COTL1: variants seen among roughly 807,000 people sequenced by gnomAD.
The protein encoded by COTL1 is coactosin like F-actin binding protein 1.
In COTL1, 15 loss-of-function variants were observed where a neutral mutation model predicts 16.5. The observed-to-expected ratio is 0.91, with a 90% CI of 0.61 to 1.40. The LOEUF is 1.40. Among genes scored for constraint, COTL1 ranks in the 40% most tolerant of loss-of-function variants. The probability of loss-of-function intolerance (pLI) is 0.00; values close to 1 mark genes in which losing one functional copy is unlikely to be tolerated. For synonymous variants in COTL1, 112 were observed against 85.3 expected, an observed-to-expected ratio of 1.31 and a Z score of -1.73; for missense variants, 220 against 201.5, an observed-to-expected ratio of 1.09 and a Z score of -0.56.
intron 3 of COTL1, among the ~76,000 whole-genome samples, chr16:84,577,737 G>C (rs367849309): frequency 6.6e-6 from 1 of 152,144 alleles, no homozygotes; most frequent in Admixed American, 6.5e-5. Context: ...GCTGTATTTC[G>C]GGTGGACACA....
rs1165221222 is a variant in COTL1 at position 84,566,325 on chromosome 16, T to C, written c.*520A>G. On this transcript the variant is annotated 3_prime_UTR_variant, in exon 4 of 4. Transcript: ENST00000262428. ...AGATACCAGGAGGTCTGGGCCTTAG[T>C]AGGGAATGGACGTGTGTGCTTATGA... 1 of 152,464 alleles carries C rather than the reference T, an allele frequency of 6.6e-6. No individual in the cohort carries two copies. Among genetic ancestry groups the C allele is most frequent in the African/African-American group, 2.4e-5 (1 of 41,348 alleles). The allele number at this position is 152,464 out of a possible 1,614,324, so 9.4% of individuals were successfully genotyped here.
intron 2 of COTL1, among the ~76,000 whole-genome samples, chr16:84,609,024 C>T (rs1905267413): frequency 6.6e-6 from 1 of 152,196 alleles, no homozygotes; most frequent in Non-Finnish European, 1.5e-5. Context: ...GCCCAAAGCC[C>T]TGTCACAGAT....
intron 3 of COTL1, among the ~76,000 whole-genome samples, chr16:84,580,593 C>A (rs1403145656): frequency 6.6e-6 from 1 of 152,194 alleles, no homozygotes; most frequent in Non-Finnish European, 1.5e-5. Flanking sequence ...GGGCTCCTCA[C>A]TGCCCTCCCA....
At chr16:84,602,517 A>G (rs1023336941) in intron 2 of COTL1, among the ~76,000 whole-genome samples, 2 of 152,126 alleles carry the variant, frequency 1.3e-5, no homozygotes, top group Admixed American at 1.3e-4. Flanking sequence ...ATGGATATGG[A>G]CAGACATAAC....
At chr16:84,604,728 G>A (rs1905177226) in intron 2 of COTL1, among the ~76,000 whole-genome samples, 3 of 152,310 alleles carry the variant, frequency 2.0e-5, no homozygotes, top group South Asian at 4.1e-4. Flanking sequence ...GGCTGTGGCT[G>A]TAGGGGTCAC....
At chr16:84,603,046 G>A (rs1318684626) in intron 2 of COTL1, among the ~76,000 whole-genome samples, 1 of 152,148 alleles carries the variant, frequency 6.6e-6, no homozygotes, top group Non-Finnish European at 1.5e-5. Flanking sequence ...CAGGGTTCAG[G>A]TCCTGGCTCT....
rs761557883 is a variant in COTL1 at position 84,590,284 on chromosome 16, G to C, written c.161-22C>G. The C allele has an allele frequency of 2.9e-5, 46 of 1,611,314 alleles. No homozygotes were observed. Among genetic ancestry groups the C allele is most frequent in the Non-Finnish European group, 3.6e-5 (42 of 1,177,892 alleles). On this transcript the variant is annotated intron_variant, in intron 2 of 3. Coordinates refer to ENST00000262428, the MANE Select transcript of COTL1 (RefSeq NM_021149.5). The surrounding 1 kb of genome is among the most constrained non-coding windows in gnomAD (Gnocchi z 5.5). ...TCATCTGTGGCCAAAAGCGAAAAGA[G>C]AACATGGTGCTGCGTTAAAACACCC...
intron 3 of COTL1, among the ~76,000 whole-genome samples, chr16:84,582,526 T>C (rs1346378973): frequency 6.6e-6 from 1 of 152,248 alleles, no homozygotes; most frequent in Non-Finnish European, 1.5e-5. Flanking sequence ...AAAGCAGCCA[T>C]GGCTTCTGCC....
chr16:84,617,891 C>T lies in COTL1; in HGVS notation c.24G>A (p.Glu8=), dbSNP rs1186236011. 3 of 1,566,974 alleles carry T rather than the reference C, an allele frequency of 1.9e-6. No individual in the cohort carries two copies. The highest frequency in any genetic ancestry group is 2.6e-6 in the Non-Finnish European group (3 of 1,156,902). Residue 8 remains glutamate (E), a synonymous_variant, in exon 1 of 4, where the codon GAG becomes GAA. Transcript: ENST00000262428. MATKIDK[E]ACRAAYNLVR... ...CCAGGTTGTACGCCGCCCGGCAAGC[C>T]TCTTTGTCGATCTTGGTGGCCATCG...
chr16:84,601,227 T>G (rs1448239767), intron 2 of COTL1, among the ~76,000 whole-genome samples: 1 of 152,212 alleles, frequency 6.6e-6, no homozygotes, highest in Admixed American at 6.5e-5. Context: ...AAACACTTAC[T>G]GACAATCTGT....
intron 3 of COTL1, among the ~76,000 whole-genome samples, chr16:84,585,731 A>C (rs1312611082): frequency 1.3e-5 from 2 of 152,218 alleles, no homozygotes; most frequent in African/African-American, 2.4e-5. Context: ...GCATTATACC[A>C]GCAGAATGGA....
At chr16:84,575,893 A>G (rs1352425860) in intron 3 of COTL1, 3 of 152,234 alleles carry the variant, frequency 2.0e-5, no homozygotes, top group African/African-American at 4.8e-5. Flanking sequence ...GGGCTTGCAC[A>G]CTTGATGAGA....
chr16:84,593,649 C>T (rs952597252), intron 2 of COTL1, among the ~76,000 whole-genome samples: 2 of 152,032 alleles, frequency 1.3e-5, no homozygotes, highest in Non-Finnish European at 2.9e-5. Context: ...GTAGCTGGGA[C>T]TACAGGCGCC....
At chr16:84,593,789 G>A (rs1281901047) in intron 2 of COTL1, among the ~76,000 whole-genome samples, 1 of 152,078 alleles carries the variant, frequency 6.6e-6, no homozygotes, top group South Asian at 2.1e-4. Context: ...GTGAGCCACC[G>A]CGCCCGGCCA....
At chr16:84,614,700 C>T (rs758542071) in intron 2 of COTL1, among the ~76,000 whole-genome samples, 1 of 152,112 alleles carries the variant, frequency 6.6e-6, no homozygotes, top group Non-Finnish European at 1.5e-5. Flanking sequence ...TGTTTGGAAG[C>T]AGGAAGCCCG....
At chr16:84,612,098 C>G (rs542400373) in intron 2 of COTL1, among the ~76,000 whole-genome samples, 3 of 152,188 alleles carry the variant, frequency 2.0e-5, no homozygotes, top group South Asian at 2.1e-4. Flanking sequence ...ACTTGAATTC[C>G]AAAAACAAAA....
intron 2 of COTL1, among the ~76,000 whole-genome samples, chr16:84,591,109 T>C (rs1360172833): frequency 6.6e-6 from 1 of 152,190 alleles, no homozygotes; most frequent in Non-Finnish European, 1.5e-5. Context: ...TTAAAATTTG[T>C]TTCACAATCC....
At chr16:84,608,987 G>A (rs1003007940) in intron 2 of COTL1, among the ~76,000 whole-genome samples, 5 of 152,138 alleles carry the variant, frequency 3.3e-5, no homozygotes, top group Non-Finnish European at 5.9e-5. Context: ...ATGCATTAAC[G>A]GACAGACTGT....
intron 2 of COTL1, among the ~76,000 whole-genome samples, chr16:84,598,847 T>C (rs916438939): frequency 9.6e-6 from 1 of 104,576 alleles, no homozygotes; most frequent in Non-Finnish European, 2.0e-5. Flanking sequence ...GCAGGGGGGG[T>C]CCAAGCGGGG....
Sources: gnomAD v4.1 joint callset for allele counts (sites outside exome capture counted in the v4.1 genomes callset) on GRCh38, gnomAD v4.1.1 for gene constraint, Gnocchi (gnomAD v3.1) non-coding constraint, MANE v1.5 for transcripts, NCBI Gene and HGNC (gene_info 2026-07-23, HGNC 2026-07-21) for gene names.